The following BICDL1 variants were observed in gnomAD, a reference collection of about 807,000 sequenced individuals.
The protein encoded by BICDL1 is BICD family-like cargo adapter 1.
In BICDL1, 20 loss-of-function variants were observed where a neutral mutation model predicts 76.8. The ratio of observed to expected loss-of-function variants is 0.26; its 90% confidence interval spans 0.18 to 0.38. The LOEUF is 0.38. BICDL1 is among the 10% of genes least tolerant of loss of function. The pLI is 1.00. For missense variants in BICDL1, 700 were observed against 798.6 expected, an observed-to-expected ratio of 0.88 and a Z score of 1.49; for synonymous variants, 383 against 337.1, an observed-to-expected ratio of 1.14 and a Z score of -1.49.
intron 1 of BICDL1, among the ~76,000 whole-genome samples, chr12:119,996,814 A>T (rs879259444): frequency 8.5e-5 from 13 of 152,208 alleles, no homozygotes; most frequent in Non-Finnish European, 1.8e-4. Context: ...GAGCATCAAA[A>T]GTTCAGGACC....
chr12:119,997,927 A>C (rs1951683831), intron 1 of BICDL1, among the ~76,000 whole-genome samples: 1 of 152,192 alleles, frequency 6.6e-6, no homozygotes, highest in South Asian at 2.1e-4. Context: ...CAACCTGGGC[A>C]ACATTGTAAA....
At chr12:120,056,260 A>G (rs10400498) in intron 2 of BICDL1, among the ~76,000 whole-genome samples, 20,180 of 152,224 alleles carry the variant, frequency 0.13, 1,665 homozygotes, top group East Asian at 0.4. Context: ...TTTAAAATGG[A>G]AAGAAAAATG....
rs1480437318 is a variant in BICDL1, at chr12:119,989,741, A to C, written c.-128A>C. 30 of 201,788 alleles carry C rather than the reference A, an allele frequency of 1.5e-4. No homozygotes were observed. Among genetic ancestry groups the C allele is most frequent in the Non-Finnish European group, 2.0e-4 (24 of 121,272 alleles). The allele number at this position is 201,788 out of a possible 1,614,324, so 12.5% of individuals were successfully genotyped here. On this transcript the variant is annotated 5_prime_UTR_variant, in exon 1 of 10. Transcript: ENST00000548673. ...CGCGCCGCGCCCAGGGCTCGCGGGGACCCGGGGGCGCGTGCCGCGGCGCGA... is the reference window on the plus strand; with the variant it reads ...CGCGCCGCGCCCAGGGCTCGCGGGGCCCCGGGGGCGCGTGCCGCGGCGCGA...
In BICDL1 at chr12:119,989,658, A is replaced by T. The variant is rs1037617003; in HGVS notation, c.-211A>T. 6.8e-6 allele frequency among the ~76,000 whole-genome samples: 1 copy of T among 146,120 alleles called. No homozygotes were observed. The highest frequency in any genetic ancestry group is 2.5e-5 in the African/African-American group (1 of 40,008). On this transcript the variant is annotated 5_prime_UTR_variant, in exon 1 of 10. Transcript: ENST00000548673. The stretch of plus-strand genomic sequence containing the variant: ...CCTCCCGCGCGCGCCTGAGCAGCTG[A>T]GCCCGGGGGCGGGGGAGGGGGCGCG...
chr12:120,089,508 G>A (rs1874775141), intron 8 of BICDL1, among the ~76,000 whole-genome samples: 1 of 152,048 alleles, frequency 6.6e-6, no homozygotes, highest in Admixed American at 6.6e-5. Flanking sequence ...GCCTCAGCCC[G>A]AGTAACTGGG....
rs985034231 is a variant in BICDL1, at chr12:119,998,445, T to A, written c.430-76T>A. The A allele has an allele frequency of 1.1e-5, 15 of 1,329,428 alleles. No individual in the cohort carries two copies. The African/African-American group carries it at 2.2e-4, about 20-fold the overall frequency. 82.4% of individuals were successfully genotyped at this position (1,329,428 alleles called of 1,614,324 possible). ...TCTACTGACTAGGAAAAAGAAAAGT[T>A]GGGACAGCGCGGAGAGAAAAAATAA... On this transcript the variant is annotated intron_variant, in intron 1 of 9. Transcript: ENST00000548673.
intron 2 of BICDL1, among the ~76,000 whole-genome samples, chr12:120,045,976 A>G (rs892298288): frequency 1.3e-5 from 2 of 151,924 alleles, no homozygotes; most frequent in Non-Finnish European, 2.9e-5. Context: ...GAAGCCCAAG[A>G]TAGTCATAGT....
At chr12:120,062,160 A>C (rs941022530) in intron 3 of BICDL1, among the ~76,000 whole-genome samples, 1 of 152,190 alleles carries the variant, frequency 6.6e-6, no homozygotes, top group South Asian at 2.1e-4. Context: ...AGTCCAACTT[A>C]GTAAGGTCTA....
intron 1 of BICDL1, among the ~76,000 whole-genome samples, chr12:119,995,090 T>C (rs916881488): frequency 1.3e-5 from 2 of 152,202 alleles, no homozygotes; most frequent in African/African-American, 4.8e-5. Flanking sequence ...TTATTTTTGA[T>C]GACCTTGACA....
At chr12:120,054,600 T>C (rs10774540) in intron 2 of BICDL1, among the ~76,000 whole-genome samples, 124,354 of 152,142 alleles carry the variant, frequency 0.82, 50,960 homozygotes, top group East Asian at 0.99. Context: ...AATAATAGGC[T>C]GGGTGTGGTG....
intron 7 of BICDL1, among the ~76,000 whole-genome samples, chr12:120,077,339 C>G (rs1304385628): frequency 1.3e-5 from 2 of 152,222 alleles, no homozygotes; most frequent in Non-Finnish European, 2.9e-5. Flanking sequence ...CCCCCTCCTA[C>G]CCCACTCCCA....
intron 2 of BICDL1, among the ~76,000 whole-genome samples, chr12:120,036,068 TATGA>T (rs1952525131): frequency 6.6e-6 from 1 of 152,252 alleles, no homozygotes; most frequent in African/African-American, 2.4e-5. Flanking sequence ...TATTTCATTG[TATGA>T]ATATTCACAG....
In BICDL1 at chr12:120,039,237, C is replaced by T. The variant is rs564851054; in HGVS notation, c.646-22473C>T. Reference sequence around the variant, plus strand: ...GCTTGAACCTGGGAGGCGGAGGTTGCAGTGAGCCAAGATAGCGCCACTGCA... The same window carrying T: ...GCTTGAACCTGGGAGGCGGAGGTTGTAGTGAGCCAAGATAGCGCCACTGCA... On this transcript the variant is annotated intron_variant, in intron 2 of 9. Transcript: ENST00000548673. 2.0e-5 allele frequency among the ~76,000 whole-genome samples: 3 copies of T among 152,178 alleles called. No individual in the cohort carries two copies. In the East Asian group the frequency reaches 5.8e-4, roughly 29 times the overall value.
intron 1 of BICDL1, 120 bp downstream of exon 1, chr12:119,990,417 C>T: frequency 2.0e-6 from 3 of 1,487,042 alleles, no homozygotes; most frequent in Non-Finnish European, 2.7e-6. Flanking sequence ...CGCAGAAAAT[C>T]TGGAATGAAT....
intron 2 of BICDL1, among the ~76,000 whole-genome samples, chr12:120,055,772 T>TA (rs1420866627): frequency 5.3e-5 from 8 of 152,210 alleles, no homozygotes; most frequent in African/African-American, 1.9e-4. Flanking sequence ...CATTGCATAA[T>TA]ACCCAGTGGT....
At chr12:120,024,071 G>C (rs981522576) in intron 2 of BICDL1, among the ~76,000 whole-genome samples, 1 of 152,156 alleles carries the variant, frequency 6.6e-6, no homozygotes, top group African/African-American at 2.4e-5. Flanking sequence ...CCTGAGGTCA[G>C]GTGTTCGAGA....
chr12:120,061,127 T>G (rs1235703154), intron 2 of BICDL1, among the ~76,000 whole-genome samples: 1 of 152,182 alleles, frequency 6.6e-6, no homozygotes, highest in Non-Finnish European at 1.5e-5. Flanking sequence ...ATAAATGGAT[T>G]GAGGTGGGAA....
At chr12:120,039,358 G>A (rs1952588502) in intron 2 of BICDL1, among the ~76,000 whole-genome samples, 1 of 150,988 alleles carries the variant, frequency 6.6e-6, no homozygotes, top group Non-Finnish European at 1.5e-5. Flanking sequence ...AGGCTTCATG[G>A]GCCGAGCGTG....
chr12:120,033,759 T>C (rs1952478071), intron 2 of BICDL1, among the ~76,000 whole-genome samples: 1 of 152,116 alleles, frequency 6.6e-6, no homozygotes, highest in African/African-American at 2.4e-5. Context: ...TATTCCCTGA[T>C]ATTTTGTATT....
Sources: allele counts gnomAD v4.1 joint callset (sites outside exome capture counted in the v4.1 genomes callset), GRCh38; gene constraint gnomAD v4.1.1; transcripts MANE v1.5; gene names NCBI Gene and HGNC (gene_info 2026-07-23, HGNC 2026-07-21).